Variants in CARNMT1 observed in about 807,000 individuals in gnomAD.
CARNMT1 encodes protein-L-histidine N-pros-methyltransferase CARNMT1.
A neutral mutation model predicts 49.6 loss-of-function variants in CARNMT1; 28 were observed. The observed-to-expected ratio is 0.56, with a 90% CI of 0.42 to 0.77. CARNMT1 has a LOEUF of 0.77. Ranked by LOEUF, CARNMT1 falls within the 30% of genes least tolerant of loss-of-function variation. CARNMT1 has a pLI of 0.00. For synonymous variants in CARNMT1, 178 were observed against 175.0 expected (o/e 1.02, Z -0.13); for missense variants, 421 against 512.6 (o/e 0.82, Z 1.73).
At chr9:75,000,812 G>A (rs924679615) in intron 3 of CARNMT1, among the ~76,000 whole-genome samples, 6 of 151,886 alleles carry the variant, frequency 4.0e-5, no homozygotes, top group Admixed American at 2.6e-4. Flanking sequence ...CTTTAAGTTT[G>A]GCATGCTCCA....
rs1330632145 is a variant in CARNMT1 at position 74,989,654 on chromosome 9, G to T, written c.1025-4644C>A. Among the ~76,000 whole-genome samples the T allele has an allele frequency of 2.0e-5, 3 of 152,126 alleles. No homozygotes were observed. The East Asian group carries it at 5.8e-4, about 29-fold the overall frequency. Reference sequence around the variant, plus strand: ...GTGGCTCCCCCCATGCTGTTCTCAGGATACTGAGTTCTTGCAAGATCTGAT... The same window carrying T: ...GTGGCTCCCCCCATGCTGTTCTCAGTATACTGAGTTCTTGCAAGATCTGAT... On this transcript the variant is annotated intron_variant, in intron 6 of 7. Transcript: ENST00000376834.
chr9:74,991,654 G>A lies in CARNMT1; in HGVS notation c.1024+4793C>T, dbSNP rs1361527562. ...ACTTATGGTCTCTCACCTGAGCATGGAGTGGAAATGGGCATATAAGGTAGG... is the reference window on the plus strand; with the variant it reads ...ACTTATGGTCTCTCACCTGAGCATGAAGTGGAAATGGGCATATAAGGTAGG... On this transcript the variant is annotated intron_variant, in intron 6 of 7. Transcript: ENST00000376834. 4 of 152,272 alleles carry A rather than the reference G, an allele frequency of 2.6e-5. No individual in the cohort carries two copies. The East Asian group carries it at 7.7e-4, about 29-fold the overall frequency. The allele number at this position is 152,272 out of a possible 1,614,324, so 9.4% of individuals were successfully genotyped here.
At chr9:75,025,341 T>A (rs1181716292) in intron 1 of CARNMT1, among the ~76,000 whole-genome samples, 1 of 152,236 alleles carries the variant, frequency 6.6e-6, no homozygotes, top group Non-Finnish European at 1.5e-5. Context: ...TGGTAACATC[T>A]GAGCTTACTG....
intron 6 of CARNMT1, among the ~76,000 whole-genome samples, chr9:74,986,348 A>G (rs940582608): frequency 6.6e-6 from 1 of 152,242 alleles, no homozygotes; most frequent in Admixed American, 6.5e-5. Flanking sequence ...GACTAGAAAA[A>G]ATGACCATGA....
intron 5 of CARNMT1, among the ~76,000 whole-genome samples, chr9:74,996,815 C>T (rs1416963779): frequency 6.6e-6 from 1 of 152,190 alleles, no homozygotes; most frequent in Non-Finnish European, 1.5e-5. Flanking sequence ...CTAATCTCTA[C>T]ATATTATTAC....
intron 6 of CARNMT1, among the ~76,000 whole-genome samples, chr9:74,993,654 G>A (rs1050178466): frequency 3.3e-5 from 5 of 152,142 alleles, no homozygotes; most frequent in East Asian, 1.9e-4. Context: ...CTCCACCCCC[G>A]GAGGGCAACA....
chr9:75,016,735 GA>G, intron 2 of CARNMT1: 1 of 294,894 alleles, frequency 3.4e-6, no homozygotes, highest in East Asian at 6.5e-5. Context: ...AGAGAGGGAA[GA>G]AAGTCCCTCC....
At position 75,002,798 on chromosome 9, in the gene CARNMT1, T is replaced by C. The variant is rs894543872; in HGVS notation, c.591-2928A>G. On this transcript the variant is annotated intron_variant, in intron 3 of 7. Transcript: ENST00000376834. ...CTCTGTTGCCCAGGCTGGAGTGCAA[T>C]AGTGCCATCTCAGGTCACTGCAACC... Among the ~76,000 whole-genome samples the C allele has an allele frequency of 5.9e-5, 9 of 152,212 alleles. No individual in the cohort carries two copies. In the East Asian group the frequency reaches 1.4e-3, roughly 23 times the overall value.
In CARNMT1 at chr9:74,983,672, G is replaced by C; in HGVS notation, c.*95C>G. 1.5e-6 allele frequency: 1 copy of C among 658,462 alleles called. No homozygotes were observed. Among genetic ancestry groups the C allele is most frequent in the Non-Finnish European group, 2.6e-6 (1 of 379,582 alleles). The allele number at this position is 658,462 out of a possible 1,614,324, so 40.8% of individuals were successfully genotyped here. A position where few individuals can be genotyped will look rare whatever the true frequency, so the allele number is the denominator to read the frequency against. The stretch of plus-strand genomic sequence containing the variant: ...AATAAGAAGGCACCACTGATTTGAG[G>C]TTGTGTCCTGTCATCACTGATAGTT... On this transcript the variant is annotated 3_prime_UTR_variant, in exon 8 of 8. Coordinates refer to ENST00000376834, the MANE Select transcript of CARNMT1 (RefSeq NM_152420.3).
At chr9:75,022,208 G>A (rs909201029) in intron 1 of CARNMT1, among the ~76,000 whole-genome samples, 2 of 139,868 alleles carry the variant, frequency 1.4e-5, no homozygotes, top group Non-Finnish European at 3.1e-5. Context: ...AGGTGAGAAG[G>A]AATACTTTTT....
intron 6 of CARNMT1, among the ~76,000 whole-genome samples, chr9:74,990,569 T>A (rs1832980409): frequency 6.6e-6 from 1 of 152,200 alleles, no homozygotes; most frequent in Non-Finnish European, 1.5e-5. Context: ...CAGACGGACA[T>A]ATACATATAT....
At chr9:74,998,245 C>T (rs1833251732) in intron 5 of CARNMT1, among the ~76,000 whole-genome samples, 1 of 152,236 alleles carries the variant, frequency 6.6e-6, no homozygotes, top group Non-Finnish European at 1.5e-5. Flanking sequence ...CTGTCTGCCT[C>T]AAATGCTATT....
chr9:74,994,098 C>T (rs753880337), intron 6 of CARNMT1, among the ~76,000 whole-genome samples: 3 of 152,156 alleles, frequency 2.0e-5, no homozygotes, highest in Non-Finnish European at 4.4e-5. Flanking sequence ...AGAAGAGACA[C>T]ACCAAAGAGC....
intron 1 of CARNMT1, chr9:75,027,431 C>A (rs895677681): frequency 4.1e-6 from 4 of 985,268 alleles, no homozygotes; most frequent in Non-Finnish European, 4.8e-6. Flanking sequence ...CCTTAATCAC[C>A]CACCAGTTAA....
intron 2 of CARNMT1, 58 bp downstream of exon 2, chr9:75,017,195 C>T: frequency 7.6e-7 from 1 of 1,322,632 alleles, no homozygotes; most frequent in Non-Finnish European, 1.1e-6. Flanking sequence ...AAATAAAAGA[C>T]CTCAAAATAC....
chr9:75,005,639 A>ATT (rs1259194025), intron 3 of CARNMT1, among the ~76,000 whole-genome samples: 2 of 151,594 alleles, frequency 1.3e-5, no homozygotes, highest in East Asian at 3.9e-4. Flanking sequence ...CGCCCGGCTA[A>ATT]TTTTTTTGTA....
At position 74,981,679 on chromosome 9, in the gene CARNMT1, T is replaced by C. The variant is rs569271328; in HGVS notation, c.*2088A>G. 2 of 152,006 alleles carry C rather than the reference T, an allele frequency of 1.3e-5. No individual in the cohort carries two copies. Among genetic ancestry groups the C allele is most frequent in the Admixed American group, 6.6e-5 (1 of 15,264 alleles). The allele number at this position is 152,006 out of a possible 1,614,324, so 9.4% of individuals were successfully genotyped here. A position where few individuals can be genotyped will look rare whatever the true frequency, so the allele number is the denominator to read the frequency against. On this transcript the variant is annotated 3_prime_UTR_variant, in exon 8 of 8. Coordinates refer to ENST00000376834, the MANE Select transcript of CARNMT1 (RefSeq NM_152420.3). ...TTTAACATTATTAAAGAAAACCTAA[T>C]AGAAAAAAAATTAATTAATAAAGCC...
intron 4 of CARNMT1, 57 bp downstream of exon 4, chr9:74,999,673 G>C: frequency 2.0e-6 from 3 of 1,479,548 alleles, no homozygotes; most frequent in South Asian, 1.3e-5. Context: ...CAAGAAAATA[G>C]GTAAGTCAAT....
intron 5 of CARNMT1, 85 bp downstream of exon 5, chr9:74,998,512 TG>T: frequency 9.2e-7 from 1 of 1,091,692 alleles, no homozygotes. Flanking sequence ...TCAAAATGAA[TG>T]ATCTAAACCT....
Sources: gnomAD v4.1 joint callset for allele counts (sites outside exome capture counted in the v4.1 genomes callset) on GRCh38, gnomAD v4.1.1 for gene constraint, MANE v1.5 for transcripts, NCBI Gene and HGNC (gene_info 2026-07-23, HGNC 2026-07-21) for gene names.